CRHR1: variants seen among roughly 807,000 people sequenced by gnomAD.
CRHR1 encodes corticotropin releasing hormone receptor 1, also known as corticotropin-releasing hormone receptor 1.
In CRHR1, 28 loss-of-function variants were observed where a neutral mutation model predicts 56.0. The observed-to-expected ratio is 0.50, with a 90% CI of 0.37 to 0.69. CRHR1 has a LOEUF of 0.69. Ranked by LOEUF, CRHR1 falls within the 30% of genes least tolerant of loss-of-function variation. The probability of loss-of-function intolerance (pLI) is 0.00; values close to 1 mark genes in which losing one functional copy is unlikely to be tolerated. For synonymous variants in CRHR1, 195 were observed against 216.5 expected, an observed-to-expected ratio of 0.90 and a Z score of 0.87; for missense variants, 376 against 548.0, an observed-to-expected ratio of 0.69 and a Z score of 3.13.
rs1029795568 is a variant in CRHR1 at position 45,830,087 on chromosome 17, G to A, written c.435-7G>A. 11 of 1,613,888 alleles carry A rather than the reference G, an allele frequency of 6.8e-6. No homozygotes were observed. Among genetic ancestry groups the A allele is most frequent in the African/African-American group, 1.3e-5 (1 of 74,914 alleles). ...GCTCCCATCATCCACCCGCCCTGCT[G>A]CACCAGGAGCATCCGGTGCCTGCGA... On this transcript the variant is annotated splice_region_variant and splice_polypyrimidine_tract_variant and intron_variant, in intron 5 of 12. Transcript: ENST00000314537.
intron 1 of CRHR1, among the ~76,000 whole-genome samples, chr17:45,795,024 C>A (rs981983410): frequency 6.6e-6 from 1 of 152,210 alleles, no homozygotes; most frequent in African/African-American, 2.4e-5. Context: ...GACCTTCCTG[C>A]ATCTCCTGTG....
intron 1 of CRHR1, among the ~76,000 whole-genome samples, chr17:45,799,234 C>G (rs1036769651): frequency 6.6e-6 from 1 of 152,232 alleles, no homozygotes; most frequent in Non-Finnish European, 1.5e-5. Flanking sequence ...CCACTTGGCA[C>G]TTCTGTAGCA....
At position 45,833,763 on chromosome 17, in the gene CRHR1, T is replaced by C; in HGVS notation, c.979T>C (p.Tyr327His). Residue 327 changes from tyrosine to histidine, a missense_variant, in exon 11 of 13, where the codon TAC becomes CAC. Coordinates refer to ENST00000314537, the MANE Select transcript of CRHR1 (RefSeq NM_004382.5). ...GCTGCTGCCCCTCCTGGGCATCACC[T>C]ACATGCTGTTCTTCGTCAATCCCGG... Reference protein sequence around the residue: ...LVLLPLLGITYMLFFVNPGED... With the variant: ...LVLLPLLGITHMLFFVNPGED... The C allele has an allele frequency of 6.6e-7, 1 of 1,506,112 alleles. No homozygotes were observed. Among genetic ancestry groups the C allele is most frequent in the Non-Finnish European group, 9.0e-7 (1 of 1,112,894 alleles). 93.3% of individuals were successfully genotyped at this position (1,506,112 alleles called of 1,614,324 possible).
At chr17:45,807,260 G>A (rs1271532186) in intron 2 of CRHR1, among the ~76,000 whole-genome samples, 163 bp downstream of exon 2, 1 of 152,240 alleles carries the variant, frequency 6.6e-6, no homozygotes, top group East Asian at 1.9e-4. Flanking sequence ...ACCGAGCACC[G>A]TGTTGAGAAG....
In CRHR1 at chr17:45,820,719, C is replaced by T. The variant is rs545289261; in HGVS notation, c.242-636C>T. Among the ~76,000 whole-genome samples, 11 of 152,308 alleles carry T rather than the reference C, an allele frequency of 7.2e-5. No homozygotes were observed. The South Asian group carries it at 1.2e-3, about 17-fold the overall frequency. On this transcript the variant is annotated intron_variant, in intron 3 of 12. Transcript: ENST00000314537. ...CCATCATGGATGTTCCCCCCACCCA[C>T]AGACCACGACCTTCCAACACAGGCC...
chr17:45,827,315 G>A (rs1449364686), intron 4 of CRHR1, among the ~76,000 whole-genome samples: 3 of 152,206 alleles, frequency 2.0e-5, no homozygotes, highest in South Asian at 2.1e-4. Context: ...TGCACACTGC[G>A]CTCCTCCCGC....
At chr17:45,825,510 G>C (rs1223224345) in intron 4 of CRHR1, 1 of 154,620 alleles carries the variant, frequency 6.5e-6, no homozygotes, top group African/African-American at 2.4e-5. Context: ...GGCACAGCCT[G>C]GGAGAGCACA....
At chr17:45,801,918 C>A (rs2061630170) in intron 1 of CRHR1, among the ~76,000 whole-genome samples, 1 of 152,150 alleles carries the variant, frequency 6.6e-6, no homozygotes, top group South Asian at 2.1e-4. Flanking sequence ...CAAGAACCCT[C>A]CCCGGGAAAA....
rs752409545 is a variant in CRHR1 at position 45,830,234 on chromosome 17, C to T, written c.555+20C>T. ...AACGTGGTACGTCCTGGCAGGGGAG[C>T]GGGGAGCAGGTCAGGCCAAACCCAG... On this transcript the variant is annotated intron_variant, in intron 6 of 12. Coordinates refer to ENST00000314537, the MANE Select transcript of CRHR1 (RefSeq NM_004382.5). 1.5e-5 allele frequency: 25 copies of T among 1,613,084 alleles called. No homozygotes were observed. The Admixed American group carries it at 1.7e-4, about 11-fold the overall frequency.
chr17:45,798,851 C>T (rs1168749989), intron 1 of CRHR1, among the ~76,000 whole-genome samples: 2 of 152,200 alleles, frequency 1.3e-5, no homozygotes, highest in African/African-American at 4.8e-5. Flanking sequence ...ATTTTCCTTT[C>T]CATTTTTTCT....
rs949636045 is a variant in CRHR1, at chr17:45,784,461, G to T, written c.-84G>T. 26 of 1,399,944 alleles carry T rather than the reference G, an allele frequency of 1.9e-5. No individual in the cohort carries two copies. The highest frequency in any genetic ancestry group is 4.9e-4 in the Middle Eastern group (2 of 4,112). 86.7% of individuals were successfully genotyped at this position (1,399,944 alleles called of 1,614,324 possible). Reference sequence around the variant, plus strand: ...GGAGCCCGGCCGCCCACCCCGTGCCGCCCGAGCCCGCAGCCGCCCGCCGGT... The same window carrying T: ...GGAGCCCGGCCGCCCACCCCGTGCCTCCCGAGCCCGCAGCCGCCCGCCGGT... On this transcript the variant is annotated 5_prime_UTR_variant, in exon 1 of 13. Transcript: ENST00000314537. This position sits in a 1 kb window ranked among gnomAD's most constrained non-coding sequence, Gnocchi z 4.2.
chr17:45,787,527 CCTCA>C (rs1013813410), intron 1 of CRHR1, among the ~76,000 whole-genome samples: 5 of 152,224 alleles, frequency 3.3e-5, no homozygotes, highest in Admixed American at 6.5e-5. Context: ...ATGATTGCAA[CCTCA>C]CTCTTTTAAT....
At chr17:45,795,311 C>A (rs2061498157) in intron 1 of CRHR1, among the ~76,000 whole-genome samples, 1 of 152,178 alleles carries the variant, frequency 6.6e-6, no homozygotes, top group African/African-American at 2.4e-5. Context: ...AGCCACCTTC[C>A]TCCCCTGCCC....
In CRHR1 at chr17:45,829,286, C is replaced by A; in HGVS notation, c.399C>A (p.Ala133=). The change falls in exon 5 of 13, where the codon GCC becomes GCA. Residue 133 remains alanine, a synonymous_variant. Transcript: ENST00000314537. ...TGGGCCACTGTATCTCCCTGGTGGC[C>A]CTCCTGGTGGCCTTTGTCCTCTTTC... ...NYLGHCISLV[A]LLVAFVLFLR... The A allele has an allele frequency of 6.2e-7, 1 of 1,614,068 alleles. No individual in the cohort carries two copies. Among genetic ancestry groups the A allele is most frequent in the Non-Finnish European group, 8.5e-7 (1 of 1,180,030 alleles).
At chr17:45,814,786 C>T (rs2061894197) in intron 2 of CRHR1, among the ~76,000 whole-genome samples, 2 of 152,258 alleles carry the variant, frequency 1.3e-5, no homozygotes, top group Admixed American at 1.3e-4. Context: ...AGAGACTCCG[C>T]TGTGGCACAG....
In CRHR1 at chr17:45,816,576, A is replaced by G. The variant is rs1433138751; in HGVS notation, c.235A>G (p.Thr79Ala). Residue 79 changes from threonine (T) to alanine (A), a missense_variant, in exon 3 of 13, where the codon ACC becomes GCC. This residue lies in a region of CRHR1 where 369 missense variants were observed against 519.5 expected (regional missense o/e 0.71). Transcript: ENST00000314537. Reference protein sequence around the residue: ...PAFFYGVRYNTTNNGYRECLA... With the variant: ...PAFFYGVRYNATNNGYRECLA... ...CTTTTTCTATGGTGTCCGCTACAAT[A>G]CCACAAGTAAGGAAGAAGTGGAGGG... The G allele has an allele frequency of 5.6e-6, 9 of 1,613,896 alleles. No homozygotes were observed. The East Asian group carries it at 1.1e-4, about 20-fold the overall frequency.
In CRHR1 at chr17:45,822,531, G is replaced by A. The variant is rs1160314136; in HGVS notation, c.327+1091G>A. Among the ~76,000 whole-genome samples, 7 of 152,306 alleles carry A rather than the reference G, an allele frequency of 4.6e-5. No individual in the cohort carries two copies. In the South Asian group the frequency reaches 1.0e-3, roughly 23 times the overall value. ...TGACCTAAGCAGTCCCAAGAATCCC[G>A]TCGCCTAAAGATCAGAGCTGGAAGG... On this transcript the variant is annotated intron_variant, in intron 4 of 12. Transcript: ENST00000314537.
chr17:45,785,884 C>T (rs895740763), intron 1 of CRHR1, among the ~76,000 whole-genome samples: 4 of 152,158 alleles, frequency 2.6e-5, no homozygotes, highest in African/African-American at 9.7e-5. Context: ...ACCCACATCC[C>T]CTCCCCCATC....
intron 2 of CRHR1, among the ~76,000 whole-genome samples, chr17:45,808,961 C>A (rs1456075620): frequency 2.0e-5 from 3 of 152,178 alleles, no homozygotes; most frequent in Admixed American, 2.0e-4. Context: ...TACTGTATAG[C>A]TGGAATGAAG....
Sources: gnomAD v4.1 joint callset for allele counts (sites outside exome capture counted in the v4.1 genomes callset) on GRCh38, gnomAD v4.1.1 for gene constraint, gnomAD v4.1.1 regional missense constraint, Gnocchi (gnomAD v3.1) non-coding constraint, MANE v1.5 for transcripts, NCBI Gene and HGNC (gene_info 2026-07-23, HGNC 2026-07-21) for gene names.